FASN: variants seen among roughly 807,000 people sequenced by gnomAD.
FASN encodes the protein 3-hydroxyacyl-[acyl-carrier-protein] dehydratase.
FASN carries 50 observed loss-of-function variants against 250.0 expected under a neutral mutation model. That is an observed-to-expected ratio of 0.20 (90% CI 0.16 to 0.25). The LOEUF is 0.25. Among genes scored for constraint, FASN ranks in the 10% least tolerant of loss-of-function variants. The pLI, the probability that FASN is intolerant of heterozygous loss-of-function variation, is 1.00. For missense variants in FASN, 3,031 were observed against 3,498.5 expected, an observed-to-expected ratio of 0.87 and a Z score of 3.37; for synonymous variants, 1,909 against 1,584.0, an observed-to-expected ratio of 1.21 and a Z score of -4.87.
rs559222108 is a variant in FASN at position 82,095,252 on chromosome 17, G to A, written c.280+68C>T. Reference sequence around the variant, plus strand: ...CCTGGTTCTACCAGAACCAAGAAGAGAAAACACTGCCTATTCCACGTGAGC... The same window carrying A: ...CCTGGTTCTACCAGAACCAAGAAGAAAAAACACTGCCTATTCCACGTGAGC... On this transcript the variant is annotated intron_variant, in intron 3 of 42. Transcript: ENST00000306749. The A allele has an allele frequency of 1.6e-5, 25 of 1,561,188 alleles. No individual in the cohort carries two copies. In the African/African-American group the frequency reaches 3.1e-4, roughly 19 times the overall value.
Position 82,083,189 on chromosome 17 carries a change from C to A in FASN, c.5565+13G>T, listed in dbSNP as rs1202870561. 2 of 1,612,074 alleles carry A rather than the reference C, an allele frequency of 1.2e-6. No individual in the cohort carries two copies. Among genetic ancestry groups the A allele is most frequent in the Non-Finnish European group, 1.7e-6 (2 of 1,179,970 alleles). ...GCCTGGGGTGCCCGAGGCGCCGGGA[C>A]TCCTCCCCTCACCTGCACGACGACT... is the stretch of plus-strand genomic sequence containing the variant. On this transcript the variant is annotated intron_variant, in intron 32 of 42. Coordinates refer to ENST00000306749, the MANE Select transcript of FASN (RefSeq NM_004104.5).
rs748322623 is a variant in FASN at position 82,080,354 on chromosome 17, C to G, written c.7047+16G>C. On this transcript the variant is annotated intron_variant, in intron 40 of 42. Coordinates refer to ENST00000306749, the MANE Select transcript of FASN (RefSeq NM_004104.5). ...AGACGTTTGCCGTAGGCCTCTAGGACCAGCCTGGCTCTCACCTGGGTGTAG... is the reference window on the plus strand; with the variant it reads ...AGACGTTTGCCGTAGGCCTCTAGGAGCAGCCTGGCTCTCACCTGGGTGTAG... The G allele has an allele frequency of 2.5e-6, 4 of 1,604,850 alleles. No individual in the cohort carries two copies. The South Asian group carries it at 4.4e-5, about 18-fold the overall frequency.
Position 82,087,497 on chromosome 17 carries a change from C to G in FASN, c.3051G>C (p.Ser1017=). Residue 1017 remains serine (S), a synonymous_variant, in exon 20 of 43, where the codon TCG becomes TCC. Coordinates refer to ENST00000306749, the MANE Select transcript of FASN (RefSeq NM_004104.5). ...AGTTATCCTTCCACAGCAGCCTCCC[C>G]GAGTCACCTGCACACAGGGCCTGGT... The part of the protein sequence containing the change: ...GILEASLEGD[S]GRLLWKDNWV... 6.2e-7 allele frequency: 1 copy of G among 1,612,234 alleles called. No homozygotes were observed. The highest frequency in any genetic ancestry group is 1.1e-5 in the South Asian group (1 of 91,078).
chr17:82,080,462 A>C lies in FASN; in HGVS notation c.6955T>G (p.Ser2319Ala), dbSNP rs772375406. 3 of 1,588,340 alleles carry C rather than the reference A, an allele frequency of 1.9e-6. No homozygotes were observed. Among genetic ancestry groups the C allele is most frequent in the Non-Finnish European group, 2.6e-6 (3 of 1,168,184 alleles). ...GGGCTCTGCTGGGCCTGCAGCTGGG[A>C]GCACATTTCAAAGGCCACGCAGGCC... is the stretch of plus-strand genomic sequence containing the variant. ...YGACVAFEMC[S>A]QLQAQQSPAP... Residue 2319 changes from serine (S) to alanine (A), a missense_variant, in exon 40 of 43, where the codon TCC (serine) becomes GCC (alanine). Physicochemically the swap from Ser to Ala is moderately conservative, Grantham distance 99 (BLOSUM62 1). Coordinates refer to ENST00000306749, the MANE Select transcript of FASN (RefSeq NM_004104.5).
rs925354150 is a variant in FASN, at chr17:82,090,927, G to A, written c.1635C>T (p.Thr545=). The A allele has an allele frequency of 1.9e-6, 3 of 1,611,186 alleles. No homozygotes were observed. Among genetic ancestry groups the A allele is most frequent in the East Asian group, 2.2e-5 (1 of 44,758 alleles). The change falls in exon 10 of 43, where the codon ACC becomes ACT. Residue 545 remains threonine (T), a synonymous_variant. Transcript: ENST00000306749. ...SQLLLSTDES[T]FDDIVHSFVS... The stretch of plus-strand genomic sequence containing the variant: ...CAAACGAATGGACGATGTCATCAAA[G>A]GTGCTCTCGTCTGTGCTCAGCAGCA...
In FASN at chr17:82,087,738, C is replaced by T. The variant is rs765011040; in HGVS notation, c.2990G>A (p.Arg997His). 23 of 1,612,316 alleles carry T rather than the reference C, an allele frequency of 1.4e-5. No homozygotes were observed. The highest frequency in any genetic ancestry group is 5.5e-5 in the South Asian group (5 of 91,074). ...QAEVYKELRL[R>H]GYDYGPHFQG... is the part of the protein sequence containing the mutation. The stretch of plus-strand genomic sequence containing the variant: ...GAAATGAGGGCCGTAGTCGTAGCCA[C>T]GCAGACGCAGCTCCTTGTAAACTTC... The change falls in exon 19 of 43, where the codon CGT (arginine) becomes CAT (histidine). Residue 997 changes from arginine to histidine, a missense_variant. By Grantham distance (29) the Arg-to-His change is conservative. Transcript: ENST00000306749.
Position 82,091,698 on chromosome 17 carries a change from T to C in FASN, c.1030-14A>G. The C allele has an allele frequency of 6.4e-7, 1 of 1,558,192 alleles. No homozygotes were observed. On this transcript the variant is annotated splice_polypyrimidine_tract_variant and intron_variant, in intron 8 of 42. Coordinates refer to ENST00000306749, the MANE Select transcript of FASN (RefSeq NM_004104.5). ...GGACAGCAGCACCTGCGGGGGTACG[T>C]GGTGGATGGGCAGCCGCCCCACTCC...
At position 82,081,144 on chromosome 17, in the gene FASN, G is replaced by A. The variant is rs200745320; in HGVS notation, c.6595+20C>T. Reference sequence around the variant, plus strand: ...GGGGAGGCCCGGGGACCCCACTCCCGCCTGGCCACCCACACGCACCGCTGG... The same window carrying A: ...GGGGAGGCCCGGGGACCCCACTCCCACCTGGCCACCCACACGCACCGCTGG... On this transcript the variant is annotated intron_variant, in intron 38 of 42. Transcript: ENST00000306749. The A allele has an allele frequency of 2.8e-5, 44 of 1,563,862 alleles. No individual in the cohort carries two copies. In the East Asian group the frequency reaches 6.3e-4, roughly 22 times the overall value.
intron 1 of FASN, 75 bp from the exon 2 acceptor site, chr17:82,096,527 C>T (rs1209867449): frequency 6.3e-7 from 1 of 1,594,914 alleles, no homozygotes; most frequent in Admixed American, 1.7e-5. Context: ...GCACCCAGAA[C>T]AGGTGGACAC....
Position 82,091,457 on chromosome 17 carries a change from G to A in FASN, c.1257C>T (p.Thr419=), listed in dbSNP as rs2034205940. 3 of 1,607,364 alleles carry A rather than the reference G, an allele frequency of 1.9e-6. No homozygotes were observed. The African/African-American group carries it at 4.0e-5, about 21-fold the overall frequency. ...CGCTGGCCCGCAGCAGACGGGGCAG[G>A]GTGGCATGTGGGGCGGGTGCGGGGG... The part of the protein sequence containing the change: ...QPPPAPAPHA[T]LPRLLRASGR... Residue 419 remains threonine (T), a synonymous_variant, in exon 9 of 43, where the codon ACC becomes ACT. Coordinates refer to ENST00000306749, the MANE Select transcript of FASN (RefSeq NM_004104.5).
In FASN at chr17:82,095,484, G is replaced by A. The variant is rs2034288582; in HGVS notation, c.128-12C>T. 1 of 1,611,272 alleles carries A rather than the reference G, an allele frequency of 6.2e-7. No individual in the cohort carries two copies. Among genetic ancestry groups the A allele is most frequent in the Non-Finnish European group, 8.5e-7 (1 of 1,179,954 alleles). Reference sequence around the variant, plus strand: ...CAGGCCGTAGAGCCCTGTGGGACAGGCGGGTGTTTAAATCTCTGACGGAAG... The same window carrying A: ...CAGGCCGTAGAGCCCTGTGGGACAGACGGGTGTTTAAATCTCTGACGGAAG... On this transcript the variant is annotated splice_polypyrimidine_tract_variant and intron_variant, in intron 2 of 42. Transcript: ENST00000306749.
rs1480935959 is a variant in FASN, at chr17:82,080,831, G to A, written c.6687C>T (p.Pro2229=). The A allele has an allele frequency of 6.2e-7, 1 of 1,610,348 alleles. No individual in the cohort carries two copies. The highest frequency in any genetic ancestry group is 1.7e-5 in the Admixed American group (1 of 59,632). Residue 2229 remains proline (P), a synonymous_variant, in exon 39 of 43, where the codon CCC becomes CCT. Coordinates refer to ENST00000306749, the MANE Select transcript of FASN (RefSeq NM_004104.5). ...GCACGGAGTTGAGCCGCATCAGGGT[G>A]GGGCCCTCCGGGTTCACCAGCAGGG... ...LRSLLVNPEG[P]TLMRLNSVQS... is the part of the protein sequence containing the mutation.
At chr17:82,087,596 T>C in intron 19 of FASN, 89 bp downstream of exon 19, 5 of 1,600,818 alleles carry the variant, frequency 3.1e-6, no homozygotes, top group Non-Finnish European at 4.2e-6. Context: ...CCTCCCAAGC[T>C]GCATGCCTAG....
Position 82,085,866 on chromosome 17 carries a change from C to A in FASN, c.3738G>T (p.Leu1246=), listed in dbSNP as rs769818274. 9.8e-5 allele frequency: 151 copies of A among 1,537,252 alleles called. No homozygotes were observed. Among genetic ancestry groups the A allele is most frequent in the Non-Finnish European group, 1.3e-4 (149 of 1,146,386 alleles). The stretch of plus-strand genomic sequence containing the variant: ...GGGAATACAGGTGACCGTGGCCAGC[C>A]AGCACCTGTAGGGGGTGAATTCTGG... ...PSLKMKVVEV[L]AGHGHLYSRI... Residue 1246 remains leucine (L), a synonymous_variant, in exon 23 of 43, where the codon CTG becomes CTT. Coordinates refer to ENST00000306749, the MANE Select transcript of FASN (RefSeq NM_004104.5).
chr17:82,088,196 G>A lies in FASN; in HGVS notation c.2705C>T (p.Ala902Val). ...LSIVWKTLARALGLGVEQLPV... is the reference protein window; with the variant it reads ...LSIVWKTLARVLGLGVEQLPV... The stretch of plus-strand genomic sequence containing the variant: ...CAGCTGCTCGACGCCCAGGCCCAGG[G>A]CGCGGGCCAGCGTCTTCCACACTAT... Residue 902 changes from alanine (A) to valine (V), a missense_variant, in exon 17 of 43, where the codon GCC (alanine) becomes GTC (valine). By Grantham distance (64) the Ala-to-Val change is moderately conservative. Coordinates refer to ENST00000306749, the MANE Select transcript of FASN (RefSeq NM_004104.5). 1.2e-6 allele frequency: 2 copies of A among 1,612,220 alleles called. No individual in the cohort carries two copies. The highest frequency in any genetic ancestry group is 4.5e-5 in the East Asian group (2 of 44,882).
chr17:82,096,676 G>T lies in FASN; in HGVS notation c.-7-224C>A, dbSNP rs2034309713. 6.4e-6 allele frequency: 4 copies of T among 625,100 alleles called. No individual in the cohort carries two copies. In the South Asian group the frequency reaches 7.2e-5, roughly 11 times the overall value. The allele number at this position is 625,100 out of a possible 1,614,324, so 38.7% of individuals were successfully genotyped here. A position where few individuals can be genotyped will look rare whatever the true frequency, so the allele number is the denominator to read the frequency against. Reference sequence around the variant, plus strand: ...TGCTCTGGGAACAGGCCCGCCTCTGGGCCCTGACCCATTCAGTTCAGGGTA... The same window carrying T: ...TGCTCTGGGAACAGGCCCGCCTCTGTGCCCTGACCCATTCAGTTCAGGGTA... On this transcript the variant is annotated intron_variant, in intron 1 of 42. Transcript: ENST00000306749.
chr17:82,080,270 G>A (rs1049073434), intron 40 of FASN, 32 bp from the exon 41 acceptor site: 1 of 1,612,118 alleles, frequency 6.2e-7, no homozygotes. Context: ...TGAGCAGATG[G>A]AAGGGGCGGG....
chr17:82,090,980 T>G lies in FASN; in HGVS notation c.1582A>C (p.Lys528Gln). Residue 528 changes from lysine (K) to glutamine (Q), a missense_variant, in exon 10 of 43, where the codon AAG becomes CAG. Coordinates refer to ENST00000306749, the MANE Select transcript of FASN (RefSeq NM_004104.5). ...DSILRSDEAV[K>Q]PFGLKVSQLL... ...TGTGACACCTTCAGGCCGAATGGCT[T>G]CACAGCCTCATCGGAGCGTAGGATG... 6.2e-7 allele frequency: 1 copy of G among 1,612,906 alleles called. No homozygotes were observed. The highest frequency in any genetic ancestry group is 8.5e-7 in the Non-Finnish European group (1 of 1,179,992).
rs1203000981 is a variant in FASN, at chr17:82,079,147, C to A, written c.7532G>T (p.Gly2511Val). 6.2e-7 allele frequency: 1 copy of A among 1,611,234 alleles called. No homozygotes were observed. The highest frequency in any genetic ancestry group is 8.5e-7 in the Non-Finnish European group (1 of 1,179,876). ...GTGGCAGGCGGGGGCACGGGCCTAG[C>A]CCTCCCGCACGCTCACGCGTGGCTC... Reference protein sequence around the residue: ...LAEPRVSVREG With the variant: ...LAEPRVSVREV Residue 2511 changes from glycine (G) to valine (V), a missense_variant, in exon 43 of 43, where the codon GGC becomes GTC. Gly to Val is a moderately radical substitution (Grantham distance 109, BLOSUM62 -3). Transcript: ENST00000306749.
Sources: allele counts gnomAD v4.1 joint callset, GRCh38; gene constraint gnomAD v4.1.1; transcripts MANE v1.5; gene names NCBI Gene and HGNC (gene_info 2026-07-23, HGNC 2026-07-21).